The following DLG2 variants were observed in gnomAD, a reference collection of about 807,000 sequenced individuals.
The protein encoded by DLG2 is discs large MAGUK scaffold protein 2, also known as disks large homolog 2.
A neutral mutation model predicts 132.5 loss-of-function variants in DLG2; 45 were observed. That is an observed-to-expected ratio of 0.34 (90% confidence interval 0.27 to 0.44). The LOEUF is 0.44. DLG2 is among the 20% of genes least tolerant of loss of function. The pLI is 1.00. For synonymous variants in DLG2, 424 were observed against 419.6 expected, an observed-to-expected ratio of 1.01 and a Z score of -0.13; for missense variants, 1,045 against 1,196.9, an observed-to-expected ratio of 0.87 and a Z score of 1.87.
chr11:83,553,529 TTTGC>T (rs1565773450), intron 19 of DLG2, among the ~76,000 whole-genome samples: 3 of 143,380 alleles, frequency 2.1e-5, no homozygotes, highest in Non-Finnish European at 4.6e-5. Context: ...TGTGTGTGTG[TTTGC>T]TGCTGCTGCT....
At chr11:83,670,733 A>G (rs961304244) in intron 18 of DLG2, among the ~76,000 whole-genome samples, 2 of 152,190 alleles carry the variant, frequency 1.3e-5, no homozygotes, top group African/African-American at 4.8e-5. Context: ...GTGGGTAACT[A>G]AGAACTCTGA....
chr11:83,485,136 A>ACTGT (rs1176011009), intron 21 of DLG2, among the ~76,000 whole-genome samples: 2 of 152,288 alleles, frequency 1.3e-5, no homozygotes, highest in East Asian at 1.9e-4. Context: ...AGTAAGAATG[A>ACTGT]CTGTCTTTAA....
chr11:84,734,431 C>CTCTGT (rs1455846588), intron 6 of DLG2, among the ~76,000 whole-genome samples: 6 of 152,112 alleles, frequency 3.9e-5, no homozygotes, highest in Non-Finnish European at 7.4e-5. Flanking sequence ...CAATTTGGCT[C>CTCTGT]TCTGTTTGTC....
rs113722763 is a variant in DLG2 at position 84,801,538 on chromosome 11, G to A, written c.358-266807C>T. Among the ~76,000 whole-genome samples, 306 of 152,284 alleles carry A rather than the reference G, an allele frequency of 2.0e-3. 1 individual carries two copies. The highest frequency in any genetic ancestry group is 6.8e-3 in the African/African-American group (281 of 41,560). On this transcript the variant is annotated intron_variant, in intron 6 of 27. Coordinates refer to ENST00000376104, the MANE Select transcript of DLG2 (RefSeq NM_001142699.3). ...GATGCACCACTGCACTCCACCCTGGGAGACAGAGTGAGACTCCGTCTAAAA... is the reference window on the plus strand; with the variant it reads ...GATGCACCACTGCACTCCACCCTGGAAGACAGAGTGAGACTCCGTCTAAAA...
At chr11:83,966,057 TATAA>T (rs1184230426) in intron 12 of DLG2, among the ~76,000 whole-genome samples, 5 of 152,166 alleles carry the variant, frequency 3.3e-5, no homozygotes, top group East Asian at 1.9e-4. Flanking sequence ...TTTTTAAAAC[TATAA>T]ATAATGTTGC....
intron 6 of DLG2, among the ~76,000 whole-genome samples, chr11:84,883,835 G>C (rs1156286967): frequency 6.6e-6 from 1 of 152,066 alleles, no homozygotes; most frequent in Admixed American, 6.6e-5. Context: ...AAATGGTTTT[G>C]TCTAACCTGA....
Position 83,839,643 on chromosome 11 carries a change from A to G in DLG2, c.1566-5873T>C, listed in dbSNP as rs1268857952. Among the ~76,000 whole-genome samples, 7 of 152,330 alleles carry G rather than the reference A, an allele frequency of 4.6e-5. No homozygotes were observed. The East Asian group carries it at 1.2e-3, about 25-fold the overall frequency. Reference sequence around the variant, plus strand: ...TGAAAATTTTTAAAAACTAAGCTAAAATTCAAGTATATTTAAAGTATAGTA... The same window carrying G: ...TGAAAATTTTTAAAAACTAAGCTAAGATTCAAGTATATTTAAAGTATAGTA... On this transcript the variant is annotated intron_variant, in intron 16 of 27. Transcript: ENST00000376104.
intron 6 of DLG2, among the ~76,000 whole-genome samples, chr11:84,862,239 T>C (rs2083819439): frequency 6.6e-6 from 1 of 152,074 alleles, no homozygotes; most frequent in Non-Finnish European, 1.5e-5. Flanking sequence ...TCACTGGTCA[T>C]TAGAGAAATG....
At chr11:84,186,434 AAG>A (rs1286381869) in intron 8 of DLG2, among the ~76,000 whole-genome samples, 1 of 152,016 alleles carries the variant, frequency 6.6e-6, no homozygotes, top group Non-Finnish European at 1.5e-5. Context: ...TTAGGACAAA[AAG>A]AGTCTTCCCA....
At chr11:84,459,788 C>T (rs950628305) in intron 7 of DLG2, among the ~76,000 whole-genome samples, 1 of 150,540 alleles carries the variant, frequency 6.6e-6, no homozygotes, top group Non-Finnish European at 1.5e-5. Flanking sequence ...TTTAATACTT[C>T]TATTTGGCCC....
At chr11:84,861,604 G>C (rs570142925) in intron 6 of DLG2, among the ~76,000 whole-genome samples, 14 of 70,790 alleles carry the variant, frequency 2.0e-4, no homozygotes, top group Middle Eastern at 0.011. Flanking sequence ...TTAAACTAAA[G>C]AGCTTCTACA....
At chr11:85,421,537 T>G (rs1485544939) in intron 3 of DLG2, among the ~76,000 whole-genome samples, 1 of 151,920 alleles carries the variant, frequency 6.6e-6, no homozygotes, top group Non-Finnish European at 1.5e-5. Context: ...CCGTTTACCT[T>G]AGGTTTGTGC....
At chr11:83,945,498 T>C (rs1173563986) in intron 14 of DLG2, among the ~76,000 whole-genome samples, 1 of 152,340 alleles carries the variant, frequency 6.6e-6, no homozygotes, top group East Asian at 1.9e-4. Flanking sequence ...CCTAAACTGT[T>C]GATGCTCAGG....
At chr11:85,278,117 C>G (rs778246103) in intron 4 of DLG2, among the ~76,000 whole-genome samples, 2 of 152,178 alleles carry the variant, frequency 1.3e-5, no homozygotes, top group Non-Finnish European at 2.9e-5. Context: ...TTTATAAAAC[C>G]TTTCCCACTT....
At chr11:84,447,730 T>A (rs2099039633) in intron 7 of DLG2, among the ~76,000 whole-genome samples, 1 of 152,112 alleles carries the variant, frequency 6.6e-6, no homozygotes, top group Non-Finnish European at 1.5e-5. Flanking sequence ...GCAGGACCTC[T>A]TGTAAGAACA....
chr11:85,241,397 C>A (rs2075871221), intron 4 of DLG2, among the ~76,000 whole-genome samples: 1 of 151,744 alleles, frequency 6.6e-6, no homozygotes, highest in South Asian at 2.1e-4. Flanking sequence ...TCTTGTTTTA[C>A]AACATTGGCT....
chr11:84,280,332 G>A (rs1358117578), intron 7 of DLG2, among the ~76,000 whole-genome samples: 1 of 149,588 alleles, frequency 6.7e-6, no homozygotes, highest in South Asian at 2.1e-4. Context: ...ACGGAGTCAC[G>A]CTCTATCACC....
chr11:84,736,350 G>T (rs1333053671), intron 6 of DLG2, among the ~76,000 whole-genome samples: 1 of 150,696 alleles, frequency 6.6e-6, no homozygotes, highest in Non-Finnish European at 1.5e-5. Flanking sequence ...GAGCTGTTTT[G>T]ACTCTCCTAG....
At chr11:85,554,736 C>T (rs2076842061) in intron 3 of DLG2, among the ~76,000 whole-genome samples, 1 of 151,740 alleles carries the variant, frequency 6.6e-6, no homozygotes. Flanking sequence ...GTTTATTGCA[C>T]CAGAGGTCAC....
Sources: gnomAD v4.1 joint callset for allele counts (sites outside exome capture counted in the v4.1 genomes callset) on GRCh38, gnomAD v4.1.1 for gene constraint, MANE v1.5 for transcripts, NCBI Gene and HGNC (gene_info 2026-07-23, HGNC 2026-07-21) for gene names.